Variants in CDKL3 observed in about 807,000 individuals in gnomAD.
CDKL3 encodes cyclin-dependent kinase-like 3.
CDKL3 carries 65 observed loss-of-function variants against 69.3 expected under a neutral mutation model. The ratio of observed to expected loss-of-function variants is 0.94; its 90% CI spans 0.77 to 1.15. The LOEUF is 1.15. CDKL3 is among the 50% of genes most tolerant of loss of function. CDKL3 has a pLI of 0.00. For missense variants in CDKL3, 652 were observed against 689.2 expected, an observed-to-expected ratio of 0.95 and a Z score of 0.61; for synonymous variants, 202 against 221.6, an observed-to-expected ratio of 0.91 and a Z score of 0.79.
chr5:134,286,746 G>A (rs1181076417), intron 8 of CDKL3, among the ~76,000 whole-genome samples: 1 of 152,096 alleles, frequency 6.6e-6, no homozygotes, highest in African/African-American at 2.4e-5. Context: ...CAGATCTCAT[G>A]AGACTTACTA....
At chr5:134,299,466 C>T in intron 12 of CDKL3, 2 of 1,180,344 alleles carry the variant, frequency 1.7e-6, no homozygotes, top group Non-Finnish European at 2.2e-6. Context: ...TAGGATGTAC[C>T]AGTCAGGTAG....
chr5:134,304,834 ATT>A (rs1321535346), intron 10 of CDKL3, among the ~76,000 whole-genome samples: 36 of 142,726 alleles, frequency 2.5e-4, no homozygotes, highest in African/African-American at 6.3e-4. Context: ...TAATAATAAT[ATT>A]ATTATTATTA....
chr5:134,283,500 C>T (rs1764720724), downstream of CDKL3, among the ~76,000 whole-genome samples: 1 of 152,066 alleles, frequency 6.6e-6, no homozygotes, highest in South Asian at 2.1e-4. Flanking sequence ...TTGTAATAAC[C>T]ATCAGATCTC....
intron 8 of CDKL3, among the ~76,000 whole-genome samples, chr5:134,288,849 T>C (rs1561482450): frequency 6.6e-6 from 1 of 152,002 alleles, no homozygotes; most frequent in Non-Finnish European, 1.5e-5. Context: ...GAAGAGGTGA[T>C]AAAAGCATCT....
At chr5:134,368,778 C>T (rs1185737630), upstream of CDKL3, among the ~76,000 whole-genome samples, 1 of 152,132 alleles carries the variant, frequency 6.6e-6, no homozygotes, top group Non-Finnish European at 1.5e-5. Context: ...CGCACAGTGG[C>T]TCACACCTGT....
At chr5:134,366,591 C>T (rs10463917) in intron 1 of CDKL3, 47 bp from the exon 2 acceptor site, 110,144 of 1,194,162 alleles carry the variant, frequency 0.092, 6,457 homozygotes, top group African/African-American at 0.22. Context: ...AACGTTTATA[C>T]TTTTATTTAT....
intron 2 of CDKL3, among the ~76,000 whole-genome samples, chr5:134,363,483 C>CA (rs1248963571): frequency 8.4e-6 from 1 of 118,594 alleles, no homozygotes; most frequent in African/African-American, 3.3e-5. Flanking sequence ...TTTTTTGAGA[C>CA]AGAGTCTCAC....
chr5:134,304,958 C>T (rs1056307534), intron 10 of CDKL3, among the ~76,000 whole-genome samples: 3 of 151,440 alleles, frequency 2.0e-5, no homozygotes, highest in African/African-American at 7.3e-5. Context: ...CAGGCACATA[C>T]CACCATGCCT....
chr5:134,306,011 G>A (rs931522167), intron 10 of CDKL3, among the ~76,000 whole-genome samples: 4 of 152,072 alleles, frequency 2.6e-5, no homozygotes, highest in African/African-American at 9.7e-5. Flanking sequence ...AAAACTTCTT[G>A]TGACTTTCAA....
chr5:134,371,574 GACCGCGGGGCA>G, upstream of CDKL3: 1 of 1,610,992 alleles, frequency 6.2e-7, no homozygotes, highest in Non-Finnish European at 8.5e-7. Flanking sequence ...TTTTCAGACT[GACCGCGGGGCA>G]GCTGCGGAGC....
chr5:134,351,972 G>A (rs1439200361), intron 3 of CDKL3, among the ~76,000 whole-genome samples: 1 of 151,992 alleles, frequency 6.6e-6, no homozygotes, highest in Non-Finnish European at 1.5e-5. Context: ...TTACCATTTT[G>A]TATAATAGAT....
intron 6 of CDKL3, among the ~76,000 whole-genome samples, chr5:134,314,876 G>T (rs1287113704): frequency 1.3e-5 from 2 of 152,150 alleles, no homozygotes; most frequent in Non-Finnish European, 2.9e-5. Flanking sequence ...TATCGTGTGT[G>T]TGTTTGTGTG....
chr5:134,314,283 G>T (rs1183993133), intron 6 of CDKL3, among the ~76,000 whole-genome samples: 1 of 152,104 alleles, frequency 6.6e-6, no homozygotes, highest in Non-Finnish European at 1.5e-5. Flanking sequence ...CAAATCATAG[G>T]GGCAGACAAT....
Position 134,298,545 on chromosome 5 carries a change from A to G in CDKL3, c.*106T>C, listed in dbSNP as rs1765531034. ...AAAAAGCTGGATGATGCTCATGCAC[A>G]TGGATGGCTGTCTTAACAACAACTC... On this transcript the variant is annotated 3_prime_UTR_variant, in exon 13 of 13. Coordinates refer to ENST00000265334, the MANE Select transcript of CDKL3 (RefSeq NM_001113575.2). 3.4e-6 allele frequency: 5 copies of G among 1,489,894 alleles called. No homozygotes were observed. The highest frequency in any genetic ancestry group is 1.8e-6 in the Non-Finnish European group (2 of 1,123,544). 92.3% of individuals were successfully genotyped at this position (1,489,894 alleles called of 1,614,324 possible).
At chr5:134,286,861 C>T (rs1377565012) in intron 8 of CDKL3, among the ~76,000 whole-genome samples, 1 of 152,194 alleles carries the variant, frequency 6.6e-6, no homozygotes, top group Non-Finnish European at 1.5e-5. Context: ...TGTGGGGACA[C>T]AGCCAAACCC....
chr5:134,320,859 G>A (rs1161448768), intron 5 of CDKL3, among the ~76,000 whole-genome samples: 3 of 148,784 alleles, frequency 2.0e-5, no homozygotes. Context: ...GGGTGACAGA[G>A]CGAGACTCCC....
At chr5:134,368,163 C>T (rs898297803), upstream of CDKL3, among the ~76,000 whole-genome samples, 1 of 152,198 alleles carries the variant, frequency 6.6e-6, no homozygotes, top group African/African-American at 2.4e-5. Context: ...CACACCCCTG[C>T]CCCAATGCCA....
downstream of CDKL3, among the ~76,000 whole-genome samples, chr5:134,294,524 C>T (rs1765263420): frequency 6.6e-6 from 1 of 152,090 alleles, no homozygotes. Flanking sequence ...GAAAAAGTAA[C>T]ACAGGCATAA....
chr5:134,365,426 CTTTTTT>C (rs150939400), intron 2 of CDKL3, among the ~76,000 whole-genome samples: 1 of 148,424 alleles, frequency 6.7e-6, no homozygotes, highest in African/African-American at 2.5e-5. Context: ...GGCCTCATGT[CTTTTTT>C]TTTTGTTTTT....
Sources: allele counts gnomAD v4.1 joint callset (sites outside exome capture counted in the v4.1 genomes callset), GRCh38; gene constraint gnomAD v4.1.1; transcripts MANE v1.5; gene names NCBI Gene and HGNC (gene_info 2026-07-23, HGNC 2026-07-21).